The following COL4A1 variants were observed in gnomAD, a reference collection of about 807,000 sequenced individuals.
COL4A1 encodes the protein collagen alpha-1(IV) chain.
A neutral mutation model predicts 216.6 loss-of-function variants in COL4A1; 40 were observed. The observed-to-expected ratio is 0.18, with a 90% CI of 0.14 to 0.24. The LOEUF (loss-of-function observed/expected upper bound fraction) is 0.24. COL4A1 is among the 10% of genes least tolerant of loss of function. COL4A1 has a pLI of 1.00. For missense variants in COL4A1, 1,628 were observed against 2,196.8 expected, an observed-to-expected ratio of 0.74 and a Z score of 5.18; for synonymous variants, 839 against 810.7, an observed-to-expected ratio of 1.03 and a Z score of -0.59.
chr13:110,253,283 GTATTACATATACATATAATTA>G (rs1882281727), intron 1 of COL4A1, among the ~76,000 whole-genome samples: 3 of 118,426 alleles, frequency 2.5e-5, no homozygotes, highest in Non-Finnish European at 3.4e-5. Flanking sequence ...ATAATTATAT[GTATTACATATACATATAATTA>G]TATGTATTAC....
At chr13:110,283,445 A>T (rs955370200) in intron 1 of COL4A1, among the ~76,000 whole-genome samples, 1 of 152,226 alleles carries the variant, frequency 6.6e-6, no homozygotes, top group African/African-American at 2.4e-5. Flanking sequence ...ACTCACTAAG[A>T]ACAGCAAGAA....
chr13:110,279,886 T>C (rs1416179033), intron 1 of COL4A1, among the ~76,000 whole-genome samples: 2 of 152,204 alleles, frequency 1.3e-5, no homozygotes, highest in African/African-American at 4.8e-5. Flanking sequence ...GCTGCCCTCC[T>C]TACTGTGGCC....
At chr13:110,161,435 T>C (rs1877083102) in intron 48 of COL4A1, 66 bp from the exon 49 acceptor site, 23 of 1,531,878 alleles carry the variant, frequency 1.5e-5, no homozygotes, top group Non-Finnish European at 1.9e-5. Context: ...CTATGTAAAG[T>C]GGATTTCAGC....
At chr13:110,254,910 T>G (rs945371881) in intron 1 of COL4A1, among the ~76,000 whole-genome samples, 2 of 152,226 alleles carry the variant, frequency 1.3e-5, no homozygotes, top group Non-Finnish European at 1.5e-5. Context: ...TAATGAGCAC[T>G]TACTATGTGC....
chr13:110,172,238 A>T (rs1179920206), intron 41 of COL4A1, among the ~76,000 whole-genome samples: 1 of 152,136 alleles, frequency 6.6e-6, no homozygotes, highest in Non-Finnish European at 1.5e-5. Context: ...CTTTCCCATG[A>T]AATGCTCAGC....
intron 40 of COL4A1, 25 bp downstream of exon 40, chr13:110,173,875 T>C (rs772181475): frequency 3.1e-6 from 5 of 1,613,796 alleles, no homozygotes; most frequent in South Asian, 1.1e-5. Context: ...CTGATTCTGA[T>C]AGGGAATGGG....
chr13:110,280,883 C>A (rs1883604723), intron 1 of COL4A1, among the ~76,000 whole-genome samples: 1 of 152,064 alleles, frequency 6.6e-6, no homozygotes, highest in Non-Finnish European at 1.5e-5. Context: ...AGGTTTCTTA[C>A]TCTAATGCTC....
At position 110,170,668 on chromosome 13, in the gene COL4A1, T is replaced by C; in HGVS notation, c.3621A>G (p.Gly1207=). The change falls in exon 42 of 52, where the codon GGA becomes GGG. Residue 1207 remains glycine, a synonymous_variant. Transcript: ENST00000375820. ...CCGGAGGACCCATGAATCCTTGCTC[T>C]CCTTTGGATCCAGGAATTCCTGGGC... ...AGSPGIPGSK[G]EQGFMGPPGP... The C allele has an allele frequency of 6.2e-7, 1 of 1,614,136 alleles. No homozygotes were observed. The highest frequency in any genetic ancestry group is 2.2e-5 in the East Asian group (1 of 44,874).
rs112633585 is a variant in COL4A1 at position 110,222,291 on chromosome 13, G to C, written c.145-8276C>G. On this transcript the variant is annotated intron_variant, in intron 2 of 51. Coordinates refer to ENST00000375820, the MANE Select transcript of COL4A1 (RefSeq NM_001845.6). Reference sequence around the variant, plus strand: ...AAGTACTCAGACACTGAATGATCTGGAGAAAACCCAAACTCTGGCAGACAG... The same window carrying C: ...AAGTACTCAGACACTGAATGATCTGCAGAAAACCCAAACTCTGGCAGACAG... Among the ~76,000 whole-genome samples, 575 of 152,258 alleles carry C rather than the reference G, an allele frequency of 3.8e-3. 1 individual carries two copies. Among genetic ancestry groups the C allele is most frequent in the African/African-American group, 4.5e-3 (187 of 41,548 alleles).
At chr13:110,198,076 GGGGTGTGT>G (rs1399985174) in intron 21 of COL4A1, among the ~76,000 whole-genome samples, 18 of 72,354 alleles carry the variant, frequency 2.5e-4, no homozygotes, top group Admixed American at 3.8e-4. Context: ...CCTTGTTTCT[GGGGTGTGT>G]GTGTGTGTGT....
At chr13:110,262,119 GT>G (rs1447557547) in intron 1 of COL4A1, among the ~76,000 whole-genome samples, 4 of 152,212 alleles carry the variant, frequency 2.6e-5, no homozygotes, top group Admixed American at 1.3e-4. Flanking sequence ...GAGGACCAGT[GT>G]TTTTGAGTAC....
intron 26 of COL4A1, among the ~76,000 whole-genome samples, chr13:110,184,202 G>A (rs1319302906): frequency 2.0e-5 from 3 of 152,198 alleles, no homozygotes; most frequent in Non-Finnish European, 4.4e-5. Flanking sequence ...TGTGGGGAGA[G>A]AGGATCAACA....
intron 1 of COL4A1, among the ~76,000 whole-genome samples, chr13:110,285,046 G>A (rs936338883): frequency 5.9e-5 from 9 of 152,220 alleles, no homozygotes; most frequent in Non-Finnish European, 1.3e-4. Flanking sequence ...GGGGATGGCC[G>A]TCAGTCTGGG....
At position 110,155,316 on chromosome 13, in the gene COL4A1, C is replaced by A; in HGVS notation, c.4722G>T (p.Trp1574Cys). The change falls in exon 50 of 52, where the codon TGG (tryptophan) becomes TGT (cysteine). Residue 1574 changes from tryptophan (W) to cysteine (C), a missense_variant. Trp to Cys is a radical substitution (Grantham distance 215). Transcript: ENST00000375820. ...AAGAGTAGCCGATCCACAGCGAGGACCACCCGCTGGGGCACGGTGGGATCT... is the reference window on the plus strand; with the variant it reads ...AAGAGTAGCCGATCCACAGCGAGGAACACCCGCTGGGGCACGGTGGGATCT... ...TIQIPPCPSGWSSLWIGYSFV... is the reference protein window; with the variant it reads ...TIQIPPCPSGCSSLWIGYSFV... 6.2e-7 allele frequency: 1 copy of A among 1,614,080 alleles called. No homozygotes were observed. Among genetic ancestry groups the A allele is most frequent in the Non-Finnish European group, 8.5e-7 (1 of 1,179,904 alleles).
chr13:110,153,454 G>T (rs976317134), intron 50 of COL4A1, among the ~76,000 whole-genome samples: 2 of 152,202 alleles, frequency 1.3e-5, no homozygotes. Context: ...CCCGGACAAG[G>T]GTTGGTGGTG....
chr13:110,273,930 C>G (rs540671577), intron 1 of COL4A1, among the ~76,000 whole-genome samples: 1 of 152,328 alleles, frequency 6.6e-6, no homozygotes, highest in South Asian at 2.1e-4. Flanking sequence ...CATTTCCCTT[C>G]CTTTCTCACT....
intron 1 of COL4A1, 52 bp downstream of exon 1, chr13:110,306,892 G>A: frequency 7.1e-7 from 1 of 1,415,474 alleles, no homozygotes; most frequent in Admixed American, 2.7e-5. Context: ...GGCCTCTCGG[G>A]GCGCCCAAGC....
At chr13:110,203,212 C>CA (rs909999144) in intron 18 of COL4A1, among the ~76,000 whole-genome samples, 38 of 140,518 alleles carry the variant, frequency 2.7e-4, no homozygotes, top group African/African-American at 4.2e-4. Context: ...GACTCCATTT[C>CA]AAAAAAAAAA....
intron 20 of COL4A1, among the ~76,000 whole-genome samples, chr13:110,200,390 G>T (rs547949355): frequency 1.1e-4 from 17 of 152,216 alleles, no homozygotes; most frequent in Admixed American, 1.1e-3. Flanking sequence ...GGCTGGGGCT[G>T]GGCACAGCAG....
Sources: allele counts gnomAD v4.1 joint callset (sites outside exome capture counted in the v4.1 genomes callset), GRCh38; gene constraint gnomAD v4.1.1; transcripts MANE v1.5; gene names NCBI Gene and HGNC (gene_info 2026-07-23, HGNC 2026-07-21).